The following FHOD3 variants were observed in gnomAD, a reference collection of about 807,000 sequenced individuals.
FHOD3 encodes the protein formin homology 2 domain containing 3.
Under a neutral mutation model 173.0 loss-of-function variants are expected in FHOD3, and 90 were observed. The ratio of observed to expected loss-of-function variants is 0.52; its 90% CI spans 0.44 to 0.62. FHOD3 has a LOEUF of 0.62. FHOD3 is among the 20% of genes least tolerant of loss of function. The pLI, the probability that FHOD3 is intolerant of heterozygous loss-of-function variation, is 0.00. For missense variants in FHOD3, 1,945 were observed against 2,034.7 expected (o/e 0.96, Z 0.85); for synonymous variants, 828 against 823.0 (o/e 1.01, Z -0.10).
At chr18:36,651,505 C>A (rs1244152512) in intron 11 of FHOD3, among the ~76,000 whole-genome samples, 1 of 152,172 alleles carries the variant, frequency 6.6e-6, no homozygotes, top group Non-Finnish European at 1.5e-5. Flanking sequence ...GTAATCCCAG[C>A]ACTTTGGGAA....
chr18:36,756,081 A>C (rs1031906216), intron 25 of FHOD3, among the ~76,000 whole-genome samples: 1 of 152,310 alleles, frequency 6.6e-6, no homozygotes. Flanking sequence ...CCAGAGACCA[A>C]CGGAGGTACA....
rs371772489 is a variant in FHOD3, at chr18:36,372,653, C to A, written c.273-27C>A. ...GGTGTCTCTGCTGACTCCTCTGATG[C>A]CCCTGTTTTGTCTCCTGTCTCGTTA... On this transcript the variant is annotated intron_variant, in intron 2 of 28. Transcript: ENST00000590592. The A allele has an allele frequency of 2.5e-5, 40 of 1,610,090 alleles. No individual in the cohort carries two copies. In the African/African-American group the frequency reaches 4.9e-4, roughly 20 times the overall value.
rs570226751 is a variant in FHOD3, at chr18:36,595,798, T to C, written c.718+900T>C. ...TTCCCAATTAAAATGATTTTTCTCC[T>C]TTTGTCTTTTGTTGTTTGTTTTCTT... is the stretch of plus-strand genomic sequence containing the variant. On this transcript the variant is annotated intron_variant, in intron 7 of 28. Transcript: ENST00000590592. Among the ~76,000 whole-genome samples, 204 of 152,362 alleles carry C rather than the reference T, an allele frequency of 1.3e-3. 1 individual carries two copies. Among genetic ancestry groups the C allele is most frequent in the African/African-American group, 4.5e-3 (186 of 41,590 alleles).
intron 3 of FHOD3, among the ~76,000 whole-genome samples, chr18:36,492,336 C>T (rs190360313): frequency 6.6e-6 from 1 of 152,252 alleles, no homozygotes; most frequent in East Asian, 1.9e-4. Flanking sequence ...TTACCATCAC[C>T]TTCTCACATG....
chr18:36,616,337 C>T lies in FHOD3; in HGVS notation c.957+4242C>T, dbSNP rs116277605. ...TGTATATTCAGAGGCCAGCATGATG[C>T]GGATGAATTGCCCATCAGTGAACAA... On this transcript the variant is annotated intron_variant, in intron 9 of 28. Transcript: ENST00000590592. 5.3e-5 allele frequency among the ~76,000 whole-genome samples: 8 copies of T among 152,214 alleles called. No individual in the cohort carries two copies. In the South Asian group the frequency reaches 1.0e-3, roughly 20 times the overall value.
chr18:36,493,394 C>T (rs114630323), intron 3 of FHOD3, among the ~76,000 whole-genome samples: 2,027 of 152,076 alleles, frequency 0.013, 46 homozygotes, highest in African/African-American at 0.045. Flanking sequence ...AGTGAGGCTG[C>T]GGGTTGAAAT....
At chr18:36,759,210 CAT>C (rs1600592866) in intron 26 of FHOD3, 69 bp downstream of exon 26, 1 of 1,446,200 alleles carries the variant, frequency 6.9e-7, no homozygotes, top group East Asian at 2.5e-5. Context: ...TCTAACCTAA[CAT>C]AATCAGCATG....
intron 3 of FHOD3, among the ~76,000 whole-genome samples, chr18:36,428,276 C>G (rs1198877925): frequency 6.6e-6 from 1 of 152,130 alleles, no homozygotes; most frequent in Non-Finnish European, 1.5e-5. Context: ...TATACTCTCC[C>G]CGAGTCCTCT....
intron 1 of FHOD3, among the ~76,000 whole-genome samples, chr18:36,350,290 G>T (rs1000802449): frequency 1.3e-5 from 2 of 152,126 alleles, no homozygotes; most frequent in Non-Finnish European, 2.9e-5. Flanking sequence ...CTGGCTGCCC[G>T]CTGAACACCC....
chr18:36,558,413 T>C lies in FHOD3; in HGVS notation c.512-18038T>C, dbSNP rs538358301. Among the ~76,000 whole-genome samples, 3 of 152,330 alleles carry C rather than the reference T, an allele frequency of 2.0e-5. No homozygotes were observed. The South Asian group carries it at 6.2e-4, about 32-fold the overall frequency. On this transcript the variant is annotated intron_variant, in intron 5 of 28. Coordinates refer to ENST00000590592, the MANE Select transcript of FHOD3 (RefSeq NM_001281740.3). The stretch of plus-strand genomic sequence containing the variant: ...GAGTTATATTTAGTCTAGCTTTTTA[T>C]ATGTTTCAGGCAGAAGGGGAAATTT...
At chr18:36,313,640 T>C (rs1188221352) in intron 1 of FHOD3, among the ~76,000 whole-genome samples, 1 of 152,212 alleles carries the variant, frequency 6.6e-6, no homozygotes, top group African/African-American at 2.4e-5. Flanking sequence ...TCCCCTGGTA[T>C]GGATATCCCA....
intron 3 of FHOD3, among the ~76,000 whole-genome samples, chr18:36,478,845 C>G (rs150652840): frequency 5.9e-5 from 9 of 152,302 alleles, no homozygotes; most frequent in African/African-American, 2.2e-4. Context: ...ACCTCCACCC[C>G]CTGACTCCTT....
At chr18:36,424,542 C>T (rs142206278) in intron 3 of FHOD3, among the ~76,000 whole-genome samples, 190 of 152,272 alleles carry the variant, frequency 1.2e-3, no homozygotes, top group African/African-American at 4.3e-3. Flanking sequence ...TCCTCAGCAC[C>T]TAGAATGGTG....
intron 2 of FHOD3, among the ~76,000 whole-genome samples, chr18:36,363,597 A>G (rs188588194): frequency 1.3e-5 from 2 of 152,170 alleles, no homozygotes; most frequent in African/African-American, 2.4e-5. Context: ...GCAAAAAGCT[A>G]TGGAGACAGT....
chr18:36,507,830 CTCT>C (rs1442828376), intron 4 of FHOD3, among the ~76,000 whole-genome samples: 3 of 152,250 alleles, frequency 2.0e-5, no homozygotes, highest in African/African-American at 7.2e-5. Context: ...TTGGGCTAGA[CTCT>C]TCTTATGCCA....
At chr18:36,735,990 C>A (rs1011863059) in intron 20 of FHOD3, among the ~76,000 whole-genome samples, 13 of 152,370 alleles carry the variant, frequency 8.5e-5, no homozygotes, top group Admixed American at 5.9e-4. Context: ...GCTGGAGAGA[C>A]GCTGTCTAGG....
chr18:36,560,842 G>GTTTTTTTTTTTTTT (rs1318480145), intron 5 of FHOD3, among the ~76,000 whole-genome samples: 1 of 127,570 alleles, frequency 7.8e-6, no homozygotes, highest in African/African-American at 2.9e-5. Context: ...TTTTTTTTCT[G>GTTTTTTTTTTTTTT]TTTTTTTTTT....
intron 18 of FHOD3, among the ~76,000 whole-genome samples, chr18:36,713,328 A>C (rs931158501): frequency 6.6e-6 from 1 of 152,230 alleles, no homozygotes; most frequent in East Asian, 1.9e-4. Context: ...ATACTTTCAG[A>C]GTAGGGAAGC....
chr18:36,576,660 C>T (rs1054459382), intron 6 of FHOD3, 115 bp downstream of exon 6: 4 of 703,956 alleles, frequency 5.7e-6, no homozygotes, highest in African/African-American at 5.5e-5. Context: ...CAAGCCGTTA[C>T]AGTATAAATG....
Sources: allele counts gnomAD v4.1 joint callset (sites outside exome capture counted in the v4.1 genomes callset), GRCh38; gene constraint gnomAD v4.1.1; transcripts MANE v1.5; gene names NCBI Gene and HGNC (gene_info 2026-07-23, HGNC 2026-07-21).